FSTL5: variants seen among roughly 807,000 people sequenced by gnomAD.
FSTL5 encodes the protein follistatin like 5, also known as follistatin-related protein 5.
A neutral mutation model predicts 89.1 loss-of-function variants in FSTL5; 62 were observed. That is an observed-to-expected ratio of 0.70 (90% CI 0.57 to 0.86). The LOEUF (loss-of-function observed/expected upper bound fraction) is 0.86. Ranked by LOEUF, FSTL5 falls within the 40% of genes least tolerant of loss-of-function variation. The probability of loss-of-function intolerance (pLI) is 0.00; values close to 1 mark genes in which losing one functional copy is unlikely to be tolerated. For missense variants in FSTL5, 1,057 were observed against 1,001.6 expected (o/e 1.06, Z -0.75); for synonymous variants, 383 against 346.2 (o/e 1.11, Z -1.18).
intron 13 of FSTL5, among the ~76,000 whole-genome samples, chr4:161,472,509 C>A (rs1051001600): frequency 6.6e-6 from 1 of 151,964 alleles, no homozygotes; most frequent in African/African-American, 2.4e-5. Flanking sequence ...CCCCTGGCAT[C>A]CTTCAGCACT....
intron 3 of FSTL5, among the ~76,000 whole-genome samples, chr4:162,030,061 G>C (rs1737460484): frequency 6.6e-6 from 1 of 151,866 alleles, no homozygotes; most frequent in Admixed American, 6.6e-5. Flanking sequence ...ACCACGCCTG[G>C]CTAATTTTTT....
At chr4:161,786,643 A>G (rs1741913650) in intron 4 of FSTL5, among the ~76,000 whole-genome samples, 2 of 152,134 alleles carry the variant, frequency 1.3e-5, no homozygotes, top group South Asian at 2.1e-4. Flanking sequence ...CGTGTTTTCA[A>G]GTAAGACTTG....
chr4:161,617,379 C>T (rs914848670), intron 7 of FSTL5, among the ~76,000 whole-genome samples: 5 of 152,080 alleles, frequency 3.3e-5, no homozygotes, highest in African/African-American at 1.2e-4. Flanking sequence ...TAATGGGGTG[C>T]TGGAGACCAG....
intron 11 of FSTL5, among the ~76,000 whole-genome samples, chr4:161,501,178 A>T (rs572422864): frequency 1.3e-5 from 2 of 152,188 alleles, no homozygotes; most frequent in Non-Finnish European, 2.9e-5. Context: ...TTACATTCTA[A>T]AAACATCTGT....
At chr4:161,665,907 T>C (rs1242934365) in intron 6 of FSTL5, among the ~76,000 whole-genome samples, 2 of 151,850 alleles carry the variant, frequency 1.3e-5, no homozygotes, top group East Asian at 3.9e-4. Flanking sequence ...AAAAAGCATT[T>C]AAATATGAAT....
At chr4:161,791,709 G>A (rs1305106613) in intron 4 of FSTL5, among the ~76,000 whole-genome samples, 1 of 152,214 alleles carries the variant, frequency 6.6e-6, no homozygotes. Flanking sequence ...GGTGGGAGCA[G>A]TCTGATCTGA....
At chr4:162,013,078 G>A (rs1736814653) in intron 3 of FSTL5, among the ~76,000 whole-genome samples, 1 of 151,930 alleles carries the variant, frequency 6.6e-6, no homozygotes, top group South Asian at 2.1e-4. Flanking sequence ...CAACTACTTG[G>A]GAGGCTGAGG....
chr4:161,618,843 A>C (rs1734994858), intron 7 of FSTL5, among the ~76,000 whole-genome samples: 1 of 152,210 alleles, frequency 6.6e-6, no homozygotes, highest in Non-Finnish European at 1.5e-5. Context: ...AAACTACTTT[A>C]AAGTTCATAT....
At chr4:161,822,116 GGC>G (rs1440831340) in intron 4 of FSTL5, among the ~76,000 whole-genome samples, 1 of 151,362 alleles carries the variant, frequency 6.6e-6, no homozygotes, top group East Asian at 1.9e-4. Flanking sequence ...TTTTCATTAT[GGC>G]CATTCTTGCA....
intron 7 of FSTL5, among the ~76,000 whole-genome samples, chr4:161,648,565 A>G (rs1044789110): frequency 6.6e-6 from 1 of 152,174 alleles, no homozygotes; most frequent in Non-Finnish European, 1.5e-5. Flanking sequence ...GAATTTACTA[A>G]TTCTCATCGT....
chr4:161,691,547 C>T (rs536533307), intron 6 of FSTL5, among the ~76,000 whole-genome samples: 14 of 152,054 alleles, frequency 9.2e-5, no homozygotes, highest in African/African-American at 3.4e-4. Flanking sequence ...GAATAATTTT[C>T]TAGAAAAAAG....
At chr4:162,106,637 G>A (rs1233899589) in intron 2 of FSTL5, among the ~76,000 whole-genome samples, 2 of 152,068 alleles carry the variant, frequency 1.3e-5, no homozygotes. Flanking sequence ...AAAAGGCCAA[G>A]AATAGAAATG....
At chr4:162,158,402 A>G (rs1368802860) in intron 1 of FSTL5, among the ~76,000 whole-genome samples, 1 of 152,112 alleles carries the variant, frequency 6.6e-6, no homozygotes, top group Non-Finnish European at 1.5e-5. Flanking sequence ...GGTATTATGT[A>G]TTCTAAAGTG....
intron 15 of FSTL5, among the ~76,000 whole-genome samples, chr4:161,404,091 C>A (rs1219134762): frequency 6.6e-6 from 1 of 152,130 alleles, no homozygotes; most frequent in Non-Finnish European, 1.5e-5. Context: ...ACTGTGTTTG[C>A]GCATTTTTAC....
intron 7 of FSTL5, among the ~76,000 whole-genome samples, chr4:161,596,789 A>G (rs983424435): frequency 6.6e-6 from 1 of 152,114 alleles, no homozygotes; most frequent in Non-Finnish European, 1.5e-5. Context: ...CTCTTGAAAA[A>G]GTTTTGAATG....
At chr4:161,495,229 T>C (rs1730025388) in intron 12 of FSTL5, 1 of 152,084 alleles carries the variant, frequency 6.6e-6, no homozygotes, top group Non-Finnish European at 1.5e-5. Flanking sequence ...GCTAGATCTA[T>C]AACAAGCAAA....
At chr4:161,533,023 G>C (rs536199707) in intron 10 of FSTL5, among the ~76,000 whole-genome samples, 2 of 151,846 alleles carry the variant, frequency 1.3e-5, no homozygotes, top group Non-Finnish European at 2.9e-5. Flanking sequence ...AAAAATCTTT[G>C]AAATTAATGA....
In FSTL5 at chr4:161,539,618, C is replaced by A. The variant is rs1731748822; in HGVS notation, c.1178-1318G>T. 1.3e-5 allele frequency among the ~76,000 whole-genome samples: 2 copies of A among 152,104 alleles called. 1 individual carries two copies. The highest frequency in any genetic ancestry group is 4.1e-4 in the South Asian group (2 of 4,830). On this transcript the variant is annotated intron_variant, in intron 9 of 15. Transcript: ENST00000306100. ...GTGGGCCACACAATTTCTGTGGCAA[C>A]TACTCACCTCTGCCACAGCAGCATT...
intron 6 of FSTL5, among the ~76,000 whole-genome samples, chr4:161,683,245 T>C (rs906172564): frequency 4.0e-5 from 6 of 150,506 alleles, no homozygotes; most frequent in African/African-American, 1.5e-4. Flanking sequence ...AGTAATGCGT[T>C]GTGATTCACA....
Sources: allele counts gnomAD v4.1 joint callset (sites outside exome capture counted in the v4.1 genomes callset), GRCh38; gene constraint gnomAD v4.1.1; transcripts MANE v1.5; gene names NCBI Gene and HGNC (gene_info 2026-07-23, HGNC 2026-07-21).